SIPA1L2: variants seen among roughly 807,000 people sequenced by gnomAD.
The protein encoded by SIPA1L2 is signal induced proliferation associated 1 like 2.
A neutral mutation model predicts 163.9 loss-of-function variants in SIPA1L2; 56 were observed. That is an observed-to-expected ratio of 0.34 (90% CI 0.28 to 0.43). The LOEUF is 0.43. Ranked by LOEUF, SIPA1L2 falls within the 20% of genes least tolerant of loss-of-function variation. SIPA1L2 has a pLI of 1.00. For missense variants in SIPA1L2, 1,974 were observed against 2,193.5 expected, an observed-to-expected ratio of 0.90 and a Z score of 2.00; for synonymous variants, 877 against 865.7, an observed-to-expected ratio of 1.01 and a Z score of -0.23.
At chr1:232,444,872 C>T (rs768790545) in intron 11 of SIPA1L2, among the ~76,000 whole-genome samples, 6 of 152,224 alleles carry the variant, frequency 3.9e-5, no homozygotes, top group Non-Finnish European at 7.4e-5. Context: ...ATGGCATTAC[C>T]GTGCCTACAT....
chr1:232,586,582 C>T (rs1325588479), intron 1 of SIPA1L2, among the ~76,000 whole-genome samples: 1 of 152,178 alleles, frequency 6.6e-6, no homozygotes, highest in East Asian at 1.9e-4. Flanking sequence ...CACACAAAAA[C>T]AGCTACTCTA....
rs1456128347 is a variant in SIPA1L2, at chr1:232,513,901, A to G, written c.1439T>C (p.Ile480Thr). The G allele has an allele frequency of 2.5e-6, 4 of 1,606,022 alleles. No individual in the cohort carries two copies. The highest frequency in any genetic ancestry group is 3.4e-6 in the Non-Finnish European group (4 of 1,177,504). ...GCGGTAATAATAGGCCCCAAGGTCAATGTGTTCTATGATGTAGCGCTTCAC... is the reference window on the plus strand; with the variant it reads ...GCGGTAATAATAGGCCCCAAGGTCAGTGTGTTCTATGATGTAGCGCTTCAC... ...EKVKRYIIEH[I>T]DLGAYYYRKF... The change falls in exon 3 of 23, where the codon ATT becomes ACT. Residue 480 changes from isoleucine to threonine, a missense_variant. Coordinates refer to ENST00000674635, the MANE Select transcript of SIPA1L2 (RefSeq NM_020808.5).
In SIPA1L2 at chr1:232,416,273, G is replaced by C. The variant is rs549196602; in HGVS notation, c.4631-648C>G. On this transcript the variant is annotated intron_variant, in intron 18 of 22. Transcript: ENST00000674635. ...ATTTTTCCTGCTCTTAATGGAAAAA[G>C]AAAACATGAGGCTGCAGTTGCCCAA... Among the ~76,000 whole-genome samples the C allele has an allele frequency of 1.6e-3, 239 of 152,290 alleles. 1 individual carries two copies. The highest frequency in any genetic ancestry group is 5.2e-3 in the African/African-American group (218 of 41,570).
At chr1:232,571,543 C>T (rs1659729202) in intron 2 of SIPA1L2, among the ~76,000 whole-genome samples, 1 of 152,182 alleles carries the variant, frequency 6.6e-6, no homozygotes, top group South Asian at 2.1e-4. Flanking sequence ...TGAAGTTTGC[C>T]TAAAATCGTG....
intron 2 of SIPA1L2, among the ~76,000 whole-genome samples, chr1:232,546,506 G>C (rs1164945206): frequency 6.6e-6 from 1 of 152,184 alleles, no homozygotes; most frequent in Admixed American, 6.5e-5. Flanking sequence ...ATGGCATACA[G>C]GGTATCAGAC....
At chr1:232,480,384 T>C (rs1036401615) in intron 6 of SIPA1L2, among the ~76,000 whole-genome samples, 2 of 152,206 alleles carry the variant, frequency 1.3e-5, no homozygotes, top group South Asian at 2.1e-4. Flanking sequence ...ATATGGAGAA[T>C]GAATGTGATC....
At position 232,405,050 on chromosome 1, in the gene SIPA1L2, C is replaced by T. The variant is rs1312650008; in HGVS notation, c.4763-872G>A. On this transcript the variant is annotated intron_variant, in intron 19 of 22. Transcript: ENST00000674635. ...TCCCTCTGGCTGCTGGACAAGCCTC[C>T]TAATGAGGCTACCTGCTTGTTTGCT... Among the ~76,000 whole-genome samples, 3 of 152,212 alleles carry T rather than the reference C, an allele frequency of 2.0e-5. No individual in the cohort carries two copies. In the East Asian group the frequency reaches 5.8e-4, roughly 29 times the overall value.
At chr1:232,587,608 A>G (rs1003919510) in intron 1 of SIPA1L2, among the ~76,000 whole-genome samples, 3 of 152,182 alleles carry the variant, frequency 2.0e-5, no homozygotes, top group African/African-American at 7.2e-5. Context: ...CAGTGGCCCC[A>G]CACTGTACTT....
At chr1:232,541,202 C>T (rs1295521747) in intron 2 of SIPA1L2, among the ~76,000 whole-genome samples, 1 of 151,984 alleles carries the variant, frequency 6.6e-6, no homozygotes, top group Non-Finnish European at 1.5e-5. Flanking sequence ...CACACGTTTA[C>T]CTATGTAACA....
chr1:232,404,061 C>G (rs1660501772), intron 20 of SIPA1L2, 64 bp downstream of exon 20: 7 of 1,575,322 alleles, frequency 4.4e-6, no homozygotes, highest in Non-Finnish European at 6.1e-6. Context: ...GACGTGCAGA[C>G]ACATGAAATA....
chr1:232,595,175 T>C (rs1661187756), intron 1 of SIPA1L2, among the ~76,000 whole-genome samples: 1 of 152,158 alleles, frequency 6.6e-6, no homozygotes, highest in African/African-American at 2.4e-5. Context: ...TTGAAATCAT[T>C]GGTCCACTGG....
chr1:232,604,288 T>A (rs150223715), intron 1 of SIPA1L2, among the ~76,000 whole-genome samples: 1 of 152,382 alleles, frequency 6.6e-6, no homozygotes, highest in African/African-American at 2.4e-5. Context: ...ACCTCTTCGT[T>A]CACTAAAATT....
intron 6 of SIPA1L2, 64 bp downstream of exon 6, chr1:232,483,728 A>C (rs1434164828): frequency 1.9e-6 from 3 of 1,585,524 alleles, no homozygotes; most frequent in Non-Finnish European, 2.6e-6. Flanking sequence ...ACTTACTTGG[A>C]TTTATGAAGC....
At chr1:232,616,893 A>C (rs186490559) in intron 1 of SIPA1L2, among the ~76,000 whole-genome samples, 19 of 152,250 alleles carry the variant, frequency 1.2e-4, no homozygotes, top group Admixed American at 9.8e-4. Flanking sequence ...CTAAGTCTAG[A>C]ATTTTATTTT....
At chr1:232,591,461 C>T (rs1049942252) in intron 1 of SIPA1L2, among the ~76,000 whole-genome samples, 13 of 152,366 alleles carry the variant, frequency 8.5e-5, no homozygotes, top group Admixed American at 6.5e-4. Flanking sequence ...GGCAGTGGAG[C>T]CCTTGGGCCA....
chr1:232,452,703 G>GT (rs1558188779), intron 10 of SIPA1L2, among the ~76,000 whole-genome samples: 1 of 152,136 alleles, frequency 6.6e-6, no homozygotes, highest in Non-Finnish European at 1.5e-5. Flanking sequence ...AAGCCATATG[G>GT]TTTTTTCCAT....
chr1:232,436,902 C>T lies in SIPA1L2; in HGVS notation c.4031+2206G>A, dbSNP rs989151080. On this transcript the variant is annotated intron_variant, in intron 15 of 22. Transcript: ENST00000674635. ...ATGTGGCTTCAAAAGCCACCATCAA[C>T]GAAGAATTACAGGAAAAGGGCAGTC... Among the ~76,000 whole-genome samples, 4 of 152,132 alleles carry T rather than the reference C, an allele frequency of 2.6e-5. No individual in the cohort carries two copies. The East Asian group carries it at 5.8e-4, about 22-fold the overall frequency.
At chr1:232,507,227 T>C (rs1666771724) in intron 3 of SIPA1L2, among the ~76,000 whole-genome samples, 1 of 152,118 alleles carries the variant, frequency 6.6e-6, no homozygotes, top group Non-Finnish European at 1.5e-5. Flanking sequence ...TGGACAGCTT[T>C]GGGTACCAGT....
At chr1:232,409,986 T>G (rs1289654378) in intron 19 of SIPA1L2, among the ~76,000 whole-genome samples, 1 of 152,230 alleles carries the variant, frequency 6.6e-6, no homozygotes, top group Non-Finnish European at 1.5e-5. Flanking sequence ...TTATAATCTC[T>G]AATTAAACTT....
Sources: gnomAD v4.1 joint callset for allele counts (sites outside exome capture counted in the v4.1 genomes callset) on GRCh38, gnomAD v4.1.1 for gene constraint, MANE v1.5 for transcripts, NCBI Gene and HGNC (gene_info 2026-07-23, HGNC 2026-07-21) for gene names.